Variants in POLR2M observed in about 807,000 individuals in gnomAD.
The protein encoded by POLR2M is protein GRINL1A.
A neutral mutation model predicts 34.6 loss-of-function variants in POLR2M; 30 were observed. That is an observed-to-expected ratio of 0.87 (90% confidence interval 0.65 to 1.18). The LOEUF (loss-of-function observed/expected upper bound fraction) is 1.18, where lower values mean the gene tolerates loss of function less well. Ranked by LOEUF, POLR2M falls within the 50% of genes most tolerant of loss-of-function variation. POLR2M has a pLI of 0.00. For synonymous variants in POLR2M, 150 were observed against 166.7 expected, an observed-to-expected ratio of 0.90 and a Z score of 0.77; for missense variants, 432 against 448.7, an observed-to-expected ratio of 0.96 and a Z score of 0.34.
intron 2 of POLR2M, among the ~76,000 whole-genome samples, chr15:57,711,745 G>GAAAAAAAA: frequency 8.0e-6 from 1 of 125,276 alleles, no homozygotes; most frequent in Non-Finnish European, 1.8e-5. Context: ...TTGAATAAAT[G>GAAAAAAAA]AAAAAAAAAA....
At chr15:57,714,330 A>G (rs1386861239) in intron 3 of POLR2M, among the ~76,000 whole-genome samples, 6 of 152,082 alleles carry the variant, frequency 3.9e-5, no homozygotes, top group African/African-American at 1.2e-4. Context: ...GAGGTCAGTA[A>G]CTTCAACTGT....
chr15:57,708,910 C>G lies in POLR2M; in HGVS notation c.310C>G (p.Pro104Ala), dbSNP rs143971965. The change falls in exon 2 of 4, where the codon CCG becomes GCG. Residue 104 changes from proline (P) to alanine (A), a missense_variant. By Grantham distance (27) the Pro-to-Ala change is conservative. Transcript: ENST00000299638. ...TACAGATAAGGCCCAGAATTCTGACCCGATACTTGATACTTCATCACTAGT... is the reference window on the plus strand; with the variant it reads ...TACAGATAAGGCCCAGAATTCTGACGCGATACTTGATACTTCATCACTAGT... ...VGTDKAQNSDPILDTSSLVPG... is the reference protein window; with the variant it reads ...VGTDKAQNSDAILDTSSLVPG... The G allele has an allele frequency of 6.2e-7, 1 of 1,614,012 alleles. No homozygotes were observed. Among genetic ancestry groups the G allele is most frequent in the Admixed American group, 1.7e-5 (1 of 60,012 alleles).
intron 1 of POLR2M, among the ~76,000 whole-genome samples, chr15:57,708,150 A>G (rs1220695826): frequency 6.6e-6 from 1 of 152,178 alleles, no homozygotes; most frequent in Non-Finnish European, 1.5e-5. Context: ...GAGCTATTTT[A>G]TGTGTTGTAT....
Position 57,715,558 on chromosome 15 carries a change from CA to C in POLR2M, c.*881del, listed in dbSNP as rs1408397713. The C allele has an allele frequency of 1.2e-4, 19 of 152,004 alleles. No individual in the cohort carries two copies. The highest frequency in any genetic ancestry group is 4.6e-4 in the African/African-American group (19 of 41,380). The allele number at this position is 152,004 out of a possible 1,614,324, so 9.4% of individuals were successfully genotyped here. On this transcript the variant is annotated 3_prime_UTR_variant, in exon 4 of 4. Transcript: ENST00000299638. ...GTCACAGATGATAGGTTCATGTACA[CA>C]ACATTAATGTTTGATAAGGAAAGCA...
intron 1 of POLR2M, chr15:57,707,578 A>G (rs1175362722): frequency 1.1e-5 from 5 of 457,640 alleles, no homozygotes; most frequent in Non-Finnish European, 2.2e-5. Flanking sequence ...TAAGAAAGTG[A>G]GCTAGGAAGG....
chr15:57,707,207 C>T (rs2040527619), intron 1 of POLR2M: 12 of 1,446,304 alleles, frequency 8.3e-6, no homozygotes, highest in Non-Finnish European at 1.0e-5. Flanking sequence ...GTTAGTAGCC[C>T]CTGGTCGGTT....
intron 1 of POLR2M, chr15:57,707,197 G>A (rs770417011): frequency 5.4e-5 from 79 of 1,463,124 alleles, no homozygotes; most frequent in Middle Eastern, 3.7e-4. Context: ...GTTGCAGGGA[G>A]TTAGTAGCCC....
Position 57,709,278 on chromosome 15 carries a change from G to T in POLR2M, c.678G>T (p.Glu226Asp), listed in dbSNP as rs781335719. Residue 226 changes from glutamate to aspartate, a missense_variant, in exon 2 of 4, where the codon GAG becomes GAT. Transcript: ENST00000299638. The stretch of plus-strand genomic sequence containing the variant: ...TGACAGGCCTTTCCAGTGGGACTGA[G>T]AAGAAACCTCATTACATGGAAGTGC... ...KNLTGLSSGT[E>D]KKPHYMEVLE... 1.2e-6 allele frequency: 2 copies of T among 1,614,104 alleles called. No homozygotes were observed. The highest frequency in any genetic ancestry group is 2.7e-5 in the African/African-American group (2 of 74,928).
intron 2 of POLR2M, among the ~76,000 whole-genome samples, chr15:57,711,491 C>T (rs960310875): frequency 1.3e-5 from 2 of 152,230 alleles, no homozygotes; most frequent in Admixed American, 6.5e-5. Context: ...CTTTCTCTCA[C>T]TCCCCTTGCT....
Position 57,706,855 on chromosome 15 carries a change from C to A in POLR2M, c.13C>A (p.Pro5Thr). MCSL[P>T]RGFEPQAPED... ...CAGCCCGCGCAGAATGTGCTCGCTG[C>A]CCCGCGGCTTCGAGCCCCAAGCTCC... The change falls in exon 1 of 4, where the codon CCC becomes ACC. Residue 5 changes from proline (P) to threonine (T), a missense_variant. By Grantham distance (38) the Pro-to-Thr change is conservative (BLOSUM62 -1). Coordinates refer to ENST00000299638, the MANE Select transcript of POLR2M (RefSeq NM_015532.5). 2 of 1,572,952 alleles carry A rather than the reference C, an allele frequency of 1.3e-6. No individual in the cohort carries two copies. The highest frequency in any genetic ancestry group is 1.7e-6 in the Non-Finnish European group (2 of 1,158,466).
At position 57,712,124 on chromosome 15, in the gene POLR2M, C is replaced by T. The variant is rs2040749653; in HGVS notation, c.899C>T (p.Pro300Leu). 6.2e-7 allele frequency: 1 copy of T among 1,614,150 alleles called. No individual in the cohort carries two copies. The highest frequency in any genetic ancestry group is 1.1e-5 in the South Asian group (1 of 91,076). ...CGGCTTCTACCACTTCACCATATGCCCACGCAGCTGCTCTCCATAGAAGAA... is the reference window on the plus strand; with the variant it reads ...CGGCTTCTACCACTTCACCATATGCTCACGCAGCTGCTCTCCATAGAAGAA... ...AARLLPLHHM[P>L]TQLLSIEESL... The change falls in exon 3 of 4, where the codon CCC becomes CTC. Residue 300 changes from proline (P) to leucine (L), a missense_variant. By Grantham distance (98) the Pro-to-Leu change is moderately conservative (BLOSUM62 -3). Transcript: ENST00000299638.
chr15:57,707,638 A>G (rs996800088), intron 1 of POLR2M: 9 of 418,834 alleles, frequency 2.1e-5, no homozygotes, highest in African/African-American at 1.2e-4. Context: ...GTTGACAGAG[A>G]TGGCTGAAGT....
chr15:57,713,618 C>G (rs1469683488), intron 3 of POLR2M, among the ~76,000 whole-genome samples: 2 of 152,010 alleles, frequency 1.3e-5, no homozygotes, highest in Non-Finnish European at 2.9e-5. Context: ...AAGTACATTG[C>G]CAGTGTCTGA....
intron 3 of POLR2M, among the ~76,000 whole-genome samples, chr15:57,712,949 G>A (rs2040792658): frequency 6.6e-6 from 1 of 152,108 alleles, no homozygotes; most frequent in African/African-American, 2.4e-5. Context: ...CTAGATTTTA[G>A]TCAGGTACTA....
rs1325577613 is a variant in POLR2M at position 57,706,950 on chromosome 15, C to T, written c.108C>T (p.Arg36=). The T allele has an allele frequency of 6.3e-7, 1 of 1,597,240 alleles. No homozygotes were observed. Among genetic ancestry groups the T allele is most frequent in the Admixed American group, 1.7e-5 (1 of 57,726 alleles). The change falls in exon 1 of 4, where the codon CGC becomes CGT. Residue 36 remains arginine (R), a synonymous_variant. Coordinates refer to ENST00000299638, the MANE Select transcript of POLR2M (RefSeq NM_015532.5). Reference sequence around the variant, plus strand: ...TGAAGCGCCAGGAGAGACTTTTGCGCAACGAGTAAGCTGGGGTCCCGCGGA... The same window carrying T: ...TGAAGCGCCAGGAGAGACTTTTGCGTAACGAGTAAGCTGGGGTCCCGCGGA... ...EMLKRQERLL[R]NEKFICKLPD...
intron 1 of POLR2M, chr15:57,707,246 A>G (rs566064752): frequency 1.5e-4 from 176 of 1,199,592 alleles, no homozygotes; most frequent in African/African-American, 1.2e-3. Flanking sequence ...TGGTGGTTCC[A>G]TGAGTCTGCT....
chr15:57,711,391 A>G (rs748860362), intron 2 of POLR2M, among the ~76,000 whole-genome samples: 1 of 152,184 alleles, frequency 6.6e-6, no homozygotes, highest in Non-Finnish European at 1.5e-5. Flanking sequence ...AGAACTCTTC[A>G]TTGCAGTCTG....
In POLR2M at chr15:57,715,034, T is replaced by C. The variant is rs1338642313; in HGVS notation, c.*355T>C. The stretch of plus-strand genomic sequence containing the variant: ...CCTATCAAATAGCATTTATTACATG[T>C]CTTTCAGTGAAATACTTAGTTGTTC... On this transcript the variant is annotated 3_prime_UTR_variant, in exon 4 of 4. Transcript: ENST00000299638. 2 of 194,516 alleles carry C rather than the reference T, an allele frequency of 1.0e-5. No homozygotes were observed. Among genetic ancestry groups the C allele is most frequent in the African/African-American group, 4.8e-5 (2 of 41,932 alleles). 12.0% of individuals were successfully genotyped at this position (194,516 alleles called of 1,614,324 possible).
In POLR2M at chr15:57,709,341, T is replaced by A. The variant is rs1172076792; in HGVS notation, c.741T>A (p.Arg247=). The change falls in exon 2 of 4, where the codon CGT becomes CGA. Residue 247 remains arginine (R), a synonymous_variant. Coordinates refer to ENST00000299638, the MANE Select transcript of POLR2M (RefSeq NM_015532.5). The part of the protein sequence containing the change: ...MRAKNPVPQL[R]KFKTNVLPFR... ...CCAAAAACCCAGTGCCCCAGCTGCG[T>A]AAATTTAAAACCAATGTGTAAGTAC... is the stretch of plus-strand genomic sequence containing the variant. The A allele has an allele frequency of 6.2e-7, 1 of 1,613,000 alleles. No homozygotes were observed. The highest frequency in any genetic ancestry group is 1.7e-5 in the Admixed American group (1 of 59,818).
Sources: allele counts gnomAD v4.1 joint callset (sites outside exome capture counted in the v4.1 genomes callset), GRCh38; gene constraint gnomAD v4.1.1; transcripts MANE v1.5; gene names NCBI Gene and HGNC (gene_info 2026-07-23, HGNC 2026-07-21).